The following TEAD2 variants were observed in gnomAD, a reference collection of about 807,000 sequenced individuals.
The protein encoded by TEAD2 is TEA domain transcription factor 2, also known as transcriptional enhancer factor TEF-4.
TEAD2 carries 51 observed loss-of-function variants against 61.4 expected under a neutral mutation model. The ratio of observed to expected loss-of-function variants is 0.83; its 90% CI spans 0.66 to 1.05. The LOEUF is 1.05. Ranked by LOEUF, TEAD2 falls within the 50% of genes least tolerant of loss-of-function variation. The pLI, the probability that TEAD2 is intolerant of heterozygous loss-of-function variation, is 0.00. For synonymous variants in TEAD2, 244 were observed against 243.2 expected, an observed-to-expected ratio of 1.00 and a Z score of -0.03; for missense variants, 509 against 600.0, an observed-to-expected ratio of 0.85 and a Z score of 1.58.
intron 8 of TEAD2, among the ~76,000 whole-genome samples, chr19:49,350,155 G>A (rs1944829046): frequency 6.6e-6 from 1 of 152,276 alleles, no homozygotes; most frequent in East Asian, 1.9e-4. Flanking sequence ...CTGCCAAGTA[G>A]CTGAGTCTGC....
At chr19:49,358,874 G>A (rs112989897) in intron 3 of TEAD2, among the ~76,000 whole-genome samples, 3,529 of 151,198 alleles carry the variant, frequency 0.023, 151 homozygotes, top group African/African-American at 0.081. Flanking sequence ...CTCCTGATCC[G>A]CTCACCTAAA....
intron 7 of TEAD2, among the ~76,000 whole-genome samples, chr19:49,353,950 GTT>G (rs1430808102): frequency 3.2e-4 from 30 of 94,144 alleles, no homozygotes; most frequent in Non-Finnish European, 4.4e-4. Context: ...CCAGCTAATT[GTT>G]TTTTGTTTTT....
intron 5 of TEAD2, 26 bp downstream of exon 5, chr19:49,355,933 G>A: frequency 7.9e-7 from 1 of 1,265,056 alleles, no homozygotes; most frequent in African/African-American, 1.5e-5. Flanking sequence ...GTGAGCGTGG[G>A]TGGGAGGATG....
At chr19:49,358,686 G>A (rs1460575767) in intron 3 of TEAD2, among the ~76,000 whole-genome samples, 1 of 149,486 alleles carries the variant, frequency 6.7e-6, no homozygotes, top group Non-Finnish European at 1.5e-5. Flanking sequence ...AGGCTGGAGT[G>A]CAGTAGCACG....
intron 9 of TEAD2, 96 bp downstream of exon 9, chr19:49,348,607 C>T: frequency 8.8e-7 from 1 of 1,134,174 alleles, no homozygotes; most frequent in Non-Finnish European, 1.3e-6. Context: ...GATTCTGATA[C>T]ATGCTAAAGT....
chr19:49,355,351 C>T lies in TEAD2; in HGVS notation c.441G>A (p.Ala147=), dbSNP rs1447735062. 8 of 1,613,986 alleles carry T rather than the reference C, an allele frequency of 5.0e-6. No individual in the cohort carries two copies. The African/African-American group carries it at 5.3e-5, about 11-fold the overall frequency. Residue 147 remains alanine (A), a synonymous_variant, in exon 6 of 13, where the codon GCG becomes GCA. Coordinates refer to ENST00000593945, the MANE Select transcript of TEAD2 (RefSeq NM_001256660.2). ...GACCCAGTTTGGCCTGCAGAGAAGG[C>T]GCGGAGATGAGCTGGGCAGAGGACA... ...ATMSSAQLIS[A]PSLQAKLGPT...
chr19:49,342,662 C>T, intron 11 of TEAD2, 72 bp from the exon 12 acceptor site: 1 of 1,565,960 alleles, frequency 6.4e-7, no homozygotes, highest in Non-Finnish European at 8.7e-7. Context: ...AATTGAGCTC[C>T]ACCCTGTGCC....
Position 49,355,430 on chromosome 19 carries a change from A to G in TEAD2, c.373-11T>C. On this transcript the variant is annotated splice_polypyrimidine_tract_variant and intron_variant, in intron 5 of 12. Transcript: ENST00000593945. Reference sequence around the variant, plus strand: ...CTTGGAAACCTGGTCCTGGAGGAGGAGGCGGAAGTTCATGTGAGAGGGGCA... The same window carrying G: ...CTTGGAAACCTGGTCCTGGAGGAGGGGGCGGAAGTTCATGTGAGAGGGGCA... 1 of 1,611,640 alleles carries G rather than the reference A, an allele frequency of 6.2e-7. No individual in the cohort carries two copies. Among genetic ancestry groups the G allele is most frequent in the East Asian group, 2.2e-5 (1 of 44,876 alleles).
intron 7 of TEAD2, among the ~76,000 whole-genome samples, chr19:49,353,844 A>G (rs566280759): frequency 6.7e-6 from 1 of 150,264 alleles, no homozygotes; most frequent in South Asian, 2.1e-4. Context: ...ACAGTGGCAC[A>G]ATCTTGGCTC....
At chr19:49,350,104 C>T (rs1971915307) in intron 8 of TEAD2, among the ~76,000 whole-genome samples, 1 of 152,140 alleles carries the variant, frequency 6.6e-6, no homozygotes, top group South Asian at 2.1e-4. Context: ...GATGTGAGTT[C>T]TCAGGGCCAT....
intron 7 of TEAD2, among the ~76,000 whole-genome samples, chr19:49,352,838 C>T (rs755636875): frequency 9.2e-5 from 14 of 151,916 alleles, no homozygotes; most frequent in Non-Finnish European, 1.9e-4. Flanking sequence ...CTATGCCTGG[C>T]CTCCTTTTCT....
chr19:49,359,712 A>G lies in TEAD2; in HGVS notation c.232+132T>C. 1 of 1,091,284 alleles carries G rather than the reference A, an allele frequency of 9.2e-7. No individual in the cohort carries two copies. The highest frequency in any genetic ancestry group is 1.4e-5 in the South Asian group (1 of 70,156). The allele number at this position is 1,091,284 out of a possible 1,614,324, so 67.6% of individuals were successfully genotyped here. On this transcript the variant is annotated intron_variant, in intron 2 of 12. Transcript: ENST00000593945. The surrounding 1 kb of genome is among the most constrained non-coding windows in gnomAD (Gnocchi z 4.1). The stretch of plus-strand genomic sequence containing the variant: ...TGTGCGACCATAAGCAAATCACTTA[A>G]CCTAGCTGTGCCTCAGTTTCCTCAT...
chr19:49,343,140 A>C (rs1971407652), intron 11 of TEAD2, 91 bp downstream of exon 11: 1 of 1,450,144 alleles, frequency 6.9e-7, no homozygotes, highest in Non-Finnish European at 9.2e-7. Flanking sequence ...CACTCCCTCC[A>C]TGCATACTCC....
chr19:49,355,088 G>A (rs1008424215), intron 7 of TEAD2, 60 bp downstream of exon 7: 2 of 1,367,328 alleles, frequency 1.5e-6, no homozygotes, highest in Non-Finnish European at 2.1e-6. Context: ...GAGTGAGAAA[G>A]GTCTCTGTGG....
At chr19:49,344,369 C>T (rs1349898121) in intron 10 of TEAD2, among the ~76,000 whole-genome samples, 1 of 152,092 alleles carries the variant, frequency 6.6e-6, no homozygotes, top group Non-Finnish European at 1.5e-5. Flanking sequence ...CAACCTCTGC[C>T]TCCCGGGTTC....
intron 8 of TEAD2, 84 bp from the exon 9 acceptor site, chr19:49,348,929 T>C (rs1971827223): frequency 3.5e-6 from 5 of 1,418,746 alleles, no homozygotes; most frequent in Admixed American, 6.5e-5. Context: ...CTGCCTCCAC[T>C]TAGAAGCTGA....
At chr19:49,351,071 C>T (rs952411050) in intron 8 of TEAD2, among the ~76,000 whole-genome samples, 18 of 151,950 alleles carry the variant, frequency 1.2e-4, no homozygotes, top group Non-Finnish European at 2.4e-4. Context: ...CCCAGCCACT[C>T]GGGAGGCTGA....
chr19:49,355,100 A>C (rs1364961070), intron 7 of TEAD2, 48 bp downstream of exon 7: 1 of 1,494,992 alleles, frequency 6.7e-7, no homozygotes, highest in South Asian at 1.2e-5. Context: ...TCTCTGTGGG[A>C]GTGTGAGGGT....
At chr19:49,361,938 G>A (rs911500634) in intron 1 of TEAD2, 1 of 152,604 alleles carries the variant, frequency 6.6e-6, no homozygotes, top group South Asian at 2.1e-4. Flanking sequence ...TCCCGCCCCA[G>A]ACCCTAAACC....
Sources: gnomAD v4.1 joint callset for allele counts (sites outside exome capture counted in the v4.1 genomes callset) on GRCh38, gnomAD v4.1.1 for gene constraint, Gnocchi (gnomAD v3.1) non-coding constraint, MANE v1.5 for transcripts, NCBI Gene and HGNC (gene_info 2026-07-23, HGNC 2026-07-21) for gene names.